CELF5: variants seen among roughly 807,000 people sequenced by gnomAD.
The protein encoded by CELF5 is CUG-BP and ETR-3 like factor 5.
Under a neutral mutation model 54.9 loss-of-function variants are expected in CELF5, and 6 were observed. The observed-to-expected ratio is 0.11, with a 90% CI of 0.06 to 0.22. The LOEUF (loss-of-function observed/expected upper bound fraction) is 0.22, where lower values mean the gene tolerates loss of function less well. CELF5 is among the 10% of genes least tolerant of loss of function. The pLI, the probability that CELF5 is intolerant of heterozygous loss-of-function variation, is 1.00. For synonymous variants in CELF5, 271 were observed against 290.9 expected, an observed-to-expected ratio of 0.93 and a Z score of 0.70; for missense variants, 401 against 678.6, an observed-to-expected ratio of 0.59 and a Z score of 4.54.
intron 9 of CELF5, 103 bp downstream of exon 9, chr19:3,285,067 C>T (rs367915965): frequency 2.3e-6 from 2 of 888,600 alleles, no homozygotes; most frequent in South Asian, 3.1e-5. Context: ...TGTGCCTAGC[C>T]GCGCCTCCTA....
At chr19:3,271,271 C>CG (rs1568351601) in intron 2 of CELF5, among the ~76,000 whole-genome samples, 1 of 152,036 alleles carries the variant, frequency 6.6e-6, no homozygotes, top group African/African-American at 2.4e-5. Flanking sequence ...GGCACCCCCC[C>CG]GCTTCCAGCC....
At chr19:3,288,280 G>T (rs2080286061) in intron 10 of CELF5, among the ~76,000 whole-genome samples, 1 of 152,094 alleles carries the variant, frequency 6.6e-6, no homozygotes, top group Admixed American at 6.6e-5. Context: ...CCAGCACTTT[G>T]GGAGGCTGAG....
intron 8 of CELF5, among the ~76,000 whole-genome samples, chr19:3,283,487 A>G (rs1310037905): frequency 2.0e-5 from 3 of 151,956 alleles, no homozygotes; most frequent in Non-Finnish European, 4.4e-5. Context: ...TGTAGCTGGG[A>G]CTACAAGCAT....
At chr19:3,290,142 A>C (rs1052913371) in intron 10 of CELF5, 89 bp from the exon 11 acceptor site, 3 of 975,032 alleles carry the variant, frequency 3.1e-6, no homozygotes, top group Non-Finnish European at 4.7e-6. Flanking sequence ...TGGAGAAGCC[A>C]GATGCGGGCT....
intron 2 of CELF5, among the ~76,000 whole-genome samples, chr19:3,255,653 T>G (rs1451789555): frequency 6.6e-6 from 1 of 152,074 alleles, no homozygotes; most frequent in East Asian, 1.9e-4. Flanking sequence ...AACCTTAGCT[T>G]CCCCTCTCCC....
At chr19:3,244,741 TTG>T (rs948019594) in intron 1 of CELF5, among the ~76,000 whole-genome samples, 3 of 135,944 alleles carry the variant, frequency 2.2e-5, no homozygotes, top group Non-Finnish European at 4.8e-5. Flanking sequence ...TGTGCGTGCC[TTG>T]TGTGTAGTGT....
At chr19:3,266,018 G>A (rs940816995) in intron 2 of CELF5, among the ~76,000 whole-genome samples, 1 of 152,110 alleles carries the variant, frequency 6.6e-6, no homozygotes. Flanking sequence ...TGTTGGTAAG[G>A]CTGGTCTCGA....
intron 12 of CELF5, chr19:3,295,387 A>G (rs911645243): frequency 2.0e-5 from 3 of 152,104 alleles, no homozygotes; most frequent in African/African-American, 7.2e-5. Context: ...AGATCTATAG[A>G]CAGTATATAT....
chr19:3,225,463 C>T, intron 1 of CELF5: 1 of 122,712 alleles, frequency 8.1e-6, no homozygotes, highest in Non-Finnish European at 1.7e-5. Context: ...CGGCACCCCT[C>T]CCTGCCCCCC....
intron 4 of CELF5, among the ~76,000 whole-genome samples, chr19:3,277,672 C>T (rs1436769248): frequency 1.3e-5 from 2 of 152,098 alleles, no homozygotes; most frequent in African/African-American, 4.8e-5. Flanking sequence ...GGTGCAGTGG[C>T]CTCTGTATGT....
intron 4 of CELF5, 68 bp from the exon 5 acceptor site, chr19:3,277,963 C>G: frequency 8.0e-7 from 1 of 1,257,728 alleles, no homozygotes; most frequent in East Asian, 2.4e-5. Flanking sequence ...GTCCCCTCTC[C>G]TGTGGCCCCC....
chr19:3,233,304 C>A (rs1042463243), intron 1 of CELF5, among the ~76,000 whole-genome samples: 4 of 152,132 alleles, frequency 2.6e-5, no homozygotes, highest in Non-Finnish European at 4.4e-5. Flanking sequence ...CAAAAGGCAA[C>A]AACTTTATTA....
chr19:3,271,739 G>A (rs1201825161), intron 2 of CELF5, among the ~76,000 whole-genome samples: 11 of 152,078 alleles, frequency 7.2e-5, no homozygotes, highest in East Asian at 1.9e-4. Context: ...AAATCCAGAG[G>A]GGTCTCTGAG....
chr19:3,285,028 C>A, intron 9 of CELF5, 64 bp downstream of exon 9: 1 of 1,298,306 alleles, frequency 7.7e-7, no homozygotes, highest in South Asian at 1.3e-5. Context: ...GCCCCGCCCC[C>A]AGGGCCCGCC....
chr19:3,262,182 G>A (rs981443257), intron 2 of CELF5, among the ~76,000 whole-genome samples: 3 of 151,716 alleles, frequency 2.0e-5, no homozygotes, highest in Non-Finnish European at 2.9e-5. Context: ...TTACAGGCAC[G>A]CACGCCCAGC....
rs561713899 is a variant in CELF5, at chr19:3,268,865, C to T, written c.343-5007C>T. Among the ~76,000 whole-genome samples, 1 of 140,700 alleles carries T rather than the reference C, an allele frequency of 7.1e-6. No homozygotes were observed. Among genetic ancestry groups the T allele is most frequent in the Non-Finnish European group, 1.5e-5 (1 of 64,868 alleles). The allele number at this position is 140,700 out of a possible 152,430, so 92.3% of individuals were successfully genotyped here. On this transcript the variant is annotated intron_variant, in intron 2 of 12. Transcript: ENST00000292672. This position sits in a 1 kb window ranked among gnomAD's most constrained non-coding sequence, Gnocchi z 4.4. Reference sequence around the variant, plus strand: ...TTTGAGGGGTAAGGATGGGGTGCAGCGGGGGGGCATTCTGTCACCAGCCAC... The same window carrying T: ...TTTGAGGGGTAAGGATGGGGTGCAGTGGGGGGGCATTCTGTCACCAGCCAC...
chr19:3,276,304 A>G (rs1599461187), intron 4 of CELF5, among the ~76,000 whole-genome samples: 9 of 53,986 alleles, frequency 1.7e-4, no homozygotes, highest in South Asian at 6.5e-4. Flanking sequence ...GCCCTTGGGG[A>G]GAGGTGTGGC....
chr19:3,281,572 C>G lies in CELF5; in HGVS notation c.750+227C>G, dbSNP rs893356672. Among the ~76,000 whole-genome samples, 13 of 152,188 alleles carry G rather than the reference C, an allele frequency of 8.5e-5. No homozygotes were observed. The highest frequency in any genetic ancestry group is 2.9e-4 in the African/African-American group (12 of 41,442). On this transcript the variant is annotated intron_variant, in intron 6 of 12. Coordinates refer to ENST00000292672, the MANE Select transcript of CELF5 (RefSeq NM_021938.4). This position sits in a 1 kb window ranked among gnomAD's most constrained non-coding sequence, Gnocchi z 6.5. ...CCCAATCTTGGACCGAGCCCCAGAA[C>G]CTGGCTATGCTCCACGTCTAAATTA...
In CELF5 at chr19:3,284,716, ATC is replaced by A. The variant is rs1482030316; in HGVS notation, c.1040-184_1040-183del. 5.0e-6 allele frequency: 3 copies of A among 595,018 alleles called. No homozygotes were observed. The East Asian group carries it at 8.4e-5, about 17-fold the overall frequency. The allele number at this position is 595,018 out of a possible 1,614,324, so 36.9% of individuals were successfully genotyped here. On this transcript the variant is annotated intron_variant, in intron 8 of 12. Coordinates refer to ENST00000292672, the MANE Select transcript of CELF5 (RefSeq NM_021938.4). Reference sequence around the variant, plus strand: ...TCCAGTTCAGCTTCTGCCATTTGCTATCTGAGTGGCCCTGTGCAAGTGGCTTC... The same window carrying A: ...TCCAGTTCAGCTTCTGCCATTTGCTATGAGTGGCCCTGTGCAAGTGGCTTC...
Sources: allele counts gnomAD v4.1 joint callset (sites outside exome capture counted in the v4.1 genomes callset), GRCh38; gene constraint gnomAD v4.1.1; non-coding constraint Gnocchi (gnomAD v3.1); transcripts MANE v1.5; gene names NCBI Gene and HGNC (gene_info 2026-07-23, HGNC 2026-07-21).